TNNI3K: variants seen among roughly 807,000 people sequenced by gnomAD.
TNNI3K encodes the protein serine/threonine-protein kinase TNNI3K.
In TNNI3K, 140 loss-of-function variants were observed where a neutral mutation model predicts 114.5. That is an observed-to-expected ratio of 1.22 (90% CI 1.07 to 1.41). The LOEUF is 1.41. Among genes scored for constraint, TNNI3K ranks in the 40% most tolerant of loss-of-function variants. The pLI, the probability that TNNI3K is intolerant of heterozygous loss-of-function variation, is 0.00. For synonymous variants in TNNI3K, 347 were observed against 347.5 expected, an observed-to-expected ratio of 1.00 and a Z score of 0.02; for missense variants, 1,125 against 1,007.6, an observed-to-expected ratio of 1.12 and a Z score of -1.58.
At chr1:74,256,662 G>C (rs190004261) in intron 4 of TNNI3K, among the ~76,000 whole-genome samples, 2 of 152,080 alleles carry the variant, frequency 1.3e-5, no homozygotes, top group African/African-American at 2.4e-5. Flanking sequence ...TACAGTTATA[G>C]ATTCTCAACA....
chr1:74,491,269 G>C (rs1299306854), intron 22 of TNNI3K, among the ~76,000 whole-genome samples: 1 of 152,152 alleles, frequency 6.6e-6, no homozygotes, highest in African/African-American at 2.4e-5. Context: ...CTCCAGGCTG[G>C]AGTGCAGTGG....
At chr1:74,348,318 C>A (rs1661135133) in intron 9 of TNNI3K, among the ~76,000 whole-genome samples, 1 of 152,064 alleles carries the variant, frequency 6.6e-6, no homozygotes, top group Admixed American at 6.6e-5. Context: ...AGATAAGCAG[C>A]ATTATTTCTG....
intron 20 of TNNI3K, among the ~76,000 whole-genome samples, chr1:74,444,701 A>G (rs1666550423): frequency 1.3e-5 from 2 of 152,092 alleles, no homozygotes; most frequent in Non-Finnish European, 2.9e-5. Flanking sequence ...TATGGAACCA[A>G]AAAAGAGCCC....
chr1:74,356,082 A>G (rs1015856276), intron 11 of TNNI3K, among the ~76,000 whole-genome samples: 1 of 152,164 alleles, frequency 6.6e-6, no homozygotes, highest in Non-Finnish European at 1.5e-5. Flanking sequence ...TTCTTGTGGC[A>G]TAGTCGTTTT....
At chr1:74,287,384 T>C (rs868566928) in intron 5 of TNNI3K, among the ~76,000 whole-genome samples, 7 of 152,080 alleles carry the variant, frequency 4.6e-5, no homozygotes, top group Admixed American at 6.5e-5. Context: ...ACCCCAAAGA[T>C]ACAGAGATAT....
intron 5 of TNNI3K, among the ~76,000 whole-genome samples, chr1:74,277,889 AC>A (rs1388109530): frequency 6.6e-6 from 1 of 152,206 alleles, no homozygotes; most frequent in Non-Finnish European, 1.5e-5. Context: ...CAAATTGTAA[AC>A]ACTTATTCAA....
intron 23 of TNNI3K, among the ~76,000 whole-genome samples, chr1:74,531,197 A>G (rs1191009989): frequency 6.6e-6 from 1 of 152,222 alleles, no homozygotes; most frequent in African/African-American, 2.4e-5. Context: ...GCCCCATTAA[A>G]TGCTTTGGCA....
chr1:74,263,584 C>CA (rs1363606963), intron 4 of TNNI3K, among the ~76,000 whole-genome samples: 1 of 151,818 alleles, frequency 6.6e-6, no homozygotes, highest in Admixed American at 6.6e-5. Flanking sequence ...AGGAAATTGT[C>CA]AGATACCTCT....
At chr1:74,310,880 T>G (rs931073952) in intron 5 of TNNI3K, among the ~76,000 whole-genome samples, 7 of 152,036 alleles carry the variant, frequency 4.6e-5, no homozygotes, top group Non-Finnish European at 1.0e-4. Context: ...TCTTGTTCAC[T>G]TAACTTCAGT....
At chr1:74,391,966 T>TA (rs559009400) in intron 17 of TNNI3K, among the ~76,000 whole-genome samples, 4,662 of 134,912 alleles carry the variant, frequency 0.035, 121 homozygotes, top group Non-Finnish European at 0.054. Flanking sequence ...TATTTTTTTT[T>TA]TTTTTTTTTT....
intron 20 of TNNI3K, among the ~76,000 whole-genome samples, chr1:74,441,728 T>A (rs992434065): frequency 6.6e-6 from 1 of 152,154 alleles, no homozygotes; most frequent in Non-Finnish European, 1.5e-5. Flanking sequence ...GATATTTACA[T>A]TTCACTGATG....
rs541192685 is a variant in TNNI3K, at chr1:74,332,924, G to A, written c.543+1376G>A. ...ATGTTTCTTTAAAACACTGCCCTTT[G>A]ACAGTGAGAATACTCAAGGAACTGA... On this transcript the variant is annotated intron_variant, in intron 6 of 24. Transcript: ENST00000326637. 7.2e-5 allele frequency among the ~76,000 whole-genome samples: 9 copies of A among 124,940 alleles called. No homozygotes were observed. The South Asian group carries it at 2.3e-3, about 32-fold the overall frequency. 82.0% of individuals were successfully genotyped at this position (124,940 alleles called of 152,430 possible).
intron 17 of TNNI3K, among the ~76,000 whole-genome samples, chr1:74,425,096 G>A (rs1178789243): frequency 2.0e-5 from 3 of 152,054 alleles, no homozygotes; most frequent in Non-Finnish European, 4.4e-5. Context: ...GAAAATGTTG[G>A]TCAGGAAGGG....
intron 5 of TNNI3K, among the ~76,000 whole-genome samples, chr1:74,277,438 G>A (rs139394115): frequency 0.018 from 2,702 of 152,068 alleles, 28 homozygotes; most frequent in Non-Finnish European, 0.027. Context: ...AAAAAGAAAC[G>A]GAATATGTTA....
intron 17 of TNNI3K, among the ~76,000 whole-genome samples, chr1:74,408,594 A>T (rs1269578253): frequency 6.6e-6 from 1 of 152,190 alleles, no homozygotes; most frequent in Non-Finnish European, 1.5e-5. Context: ...GATACATTTC[A>T]TCTGCCCACA....
intron 21 of TNNI3K, chr1:74,468,277 G>T (rs1667761580): frequency 6.6e-6 from 1 of 151,340 alleles, no homozygotes; most frequent in Non-Finnish European, 1.5e-5. Context: ...AAAAAAAAAA[G>T]GAAAAAGAAA....
Position 74,463,511 on chromosome 1 carries a change from A to G in TNNI3K, c.2082A>G (p.Ile694Met). The G allele has an allele frequency of 6.2e-7, 1 of 1,614,202 alleles. No homozygotes were observed. ...PPIGYSIPKPISSLLIRGWNA... is the reference protein window; with the variant it reads ...PPIGYSIPKPMSSLLIRGWNA... ...TTGGCTATTCCATTCCCAAGCCCATATCATCTCTGCTGATACGAGGGTGGA... is the reference window on the plus strand; with the variant it reads ...TTGGCTATTCCATTCCCAAGCCCATGTCATCTCTGCTGATACGAGGGTGGA... The change falls in exon 21 of 25, where the codon ATA becomes ATG. Residue 694 changes from isoleucine (I) to methionine (M), a missense_variant. Coordinates refer to ENST00000326637, the MANE Select transcript of TNNI3K (RefSeq NM_015978.3).
chr1:74,534,376 A>G (rs1003783409), intron 23 of TNNI3K, among the ~76,000 whole-genome samples: 2 of 152,178 alleles, frequency 1.3e-5, no homozygotes, highest in African/African-American at 4.8e-5. Flanking sequence ...TTGGAATGCA[A>G]TTCAGTCAGA....
intron 10 of TNNI3K, among the ~76,000 whole-genome samples, 186 bp from the exon 11 acceptor site, chr1:74,353,794 A>G (rs530471763): frequency 1.3e-5 from 2 of 152,360 alleles, no homozygotes; most frequent in Admixed American, 1.3e-4. Flanking sequence ...GTACAATATA[A>G]TACCCGTTTT....
Sources: allele counts gnomAD v4.1 joint callset (sites outside exome capture counted in the v4.1 genomes callset), GRCh38; gene constraint gnomAD v4.1.1; transcripts MANE v1.5; gene names NCBI Gene and HGNC (gene_info 2026-07-23, HGNC 2026-07-21).